Variants in MUC17 observed in about 807,000 individuals in gnomAD.
MUC17 encodes mucin 17, cell surface associated.
MUC17 carries 190 observed loss-of-function variants against 170.3 expected under a neutral mutation model. That is an observed-to-expected ratio of 1.12 (90% CI 0.99 to 1.26). The LOEUF (loss-of-function observed/expected upper bound fraction) is 1.26. Ranked by LOEUF, MUC17 falls within the 50% of genes most tolerant of loss-of-function variation. The probability of loss-of-function intolerance (pLI) is 0.00; values close to 1 mark genes in which losing one functional copy is unlikely to be tolerated. For synonymous variants in MUC17, 2,325 were observed against 2,002.5 expected (o/e 1.16, Z -4.30); for missense variants, 6,415 against 5,530.0 (o/e 1.16, Z -5.08).
Position 101,038,600 on chromosome 7 carries a change from G to A in MUC17, c.7184G>A (p.Gly2395Glu), listed in dbSNP as rs557659099. ...TSMPTSTYSE[G>E]STPLTSVPVS... Reference sequence around the variant, plus strand: ...ATGCCAACCTCAACTTATAGTGAAGGAAGCACTCCACTAACAAGTGTGCCT... The same window carrying A: ...ATGCCAACCTCAACTTATAGTGAAGAAAGCACTCCACTAACAAGTGTGCCT... The change falls in exon 3 of 13, where the codon GGA (glycine) becomes GAA (glutamate). Residue 2395 changes from glycine (G) to glutamate (E), a missense_variant. Transcript: ENST00000306151. 1.3e-5 allele frequency: 21 copies of A among 1,614,068 alleles called. No individual in the cohort carries two copies. The African/African-American group carries it at 1.9e-4, about 14-fold the overall frequency.
rs779796548 is a variant in MUC17 at position 101,031,102 on chromosome 7, C to A, written c.83-18C>A. On this transcript the variant is annotated intron_variant, in intron 1 of 12. Coordinates refer to ENST00000306151, the MANE Select transcript of MUC17 (RefSeq NM_001040105.2). ...AGATCATGGCTCTGGGATACTAACT[C>A]CCCTTTGTCTCTTTCAGACCTCAGT... The A allele has an allele frequency of 6.3e-7, 1 of 1,599,366 alleles. No homozygotes were observed. The highest frequency in any genetic ancestry group is 1.3e-5 in the African/African-American group (1 of 74,440).
chr7:101,051,164 G>A (rs535551966), intron 7 of MUC17, among the ~76,000 whole-genome samples: 62 of 152,018 alleles, frequency 4.1e-4, no homozygotes, highest in Admixed American at 3.3e-3. Context: ...CCAGGAGTTC[G>A]AAACCAGCCT....
chr7:101,048,653 TAAAG>T (rs1477338669), intron 4 of MUC17, among the ~76,000 whole-genome samples, 188 bp from the exon 5 acceptor site: 3 of 145,870 alleles, frequency 2.1e-5, no homozygotes, highest in Non-Finnish European at 4.6e-5. Context: ...GGGAAAGAGA[TAAAG>T]AAAGAAAAGA....
Position 101,043,524 on chromosome 7 carries a change from C to G in MUC17, c.12108C>G (p.Thr4036=). Residue 4036 remains threonine (T), a synonymous_variant, in exon 3 of 13, where the codon ACC becomes ACG. Transcript: ENST00000306151. The stretch of plus-strand genomic sequence containing the variant: ...TTTCTGCAACCAGTACACCTCACAC[C>G]TCTACTTCTGTCACCACCCGTCCTG... ...STLSATSTPH[T]STSVTTRPVT... is the part of the protein sequence containing the mutation. 6.2e-7 allele frequency: 1 copy of G among 1,614,236 alleles called. No homozygotes were observed. The highest frequency in any genetic ancestry group is 8.5e-7 in the Non-Finnish European group (1 of 1,180,038).
Position 101,042,240 on chromosome 7 carries a change from C to T in MUC17, c.10824C>T (p.Thr3608=), listed in dbSNP as rs1429092863. The part of the protein sequence containing the change: ...TPSVDRSTPV[T]TSTQSNSTPT... ...CTGTTGACAGAAGCACACCTGTGAC[C>T]ACTTCTACTCAGAGCAATTCTACTC... The change falls in exon 3 of 13, where the codon ACC becomes ACT. Residue 3608 remains threonine, a synonymous_variant. Coordinates refer to ENST00000306151, the MANE Select transcript of MUC17 (RefSeq NM_001040105.2). The T allele has an allele frequency of 5.0e-6, 8 of 1,614,056 alleles. No individual in the cohort carries two copies. The highest frequency in any genetic ancestry group is 1.1e-5 in the South Asian group (1 of 91,090).
In MUC17 at chr7:101,058,051, G is replaced by A. The variant is rs1454516779; in HGVS notation, c.*7G>A. ...AATGACGACATCATTTTAAGGCATG[G>A]AGCTGAGAAGTCTGGGAGTGAGGAG... is the stretch of plus-strand genomic sequence containing the variant. On this transcript the variant is annotated 3_prime_UTR_variant, in exon 13 of 13. Coordinates refer to ENST00000306151, the MANE Select transcript of MUC17 (RefSeq NM_001040105.2). 1 of 1,613,746 alleles carries A rather than the reference G, an allele frequency of 6.2e-7. No individual in the cohort carries two copies. The highest frequency in any genetic ancestry group is 1.1e-5 in the South Asian group (1 of 91,058).
At chr7:101,051,186 T>G (rs1794934675) in intron 7 of MUC17, among the ~76,000 whole-genome samples, 1 of 151,288 alleles carries the variant, frequency 6.6e-6, no homozygotes, top group Non-Finnish European at 1.5e-5. Flanking sequence ...GTCAACGTGG[T>G]GAAACCCCAT....
intron 1 of MUC17, among the ~76,000 whole-genome samples, chr7:101,024,171 C>A (rs949404595): frequency 6.6e-6 from 1 of 151,770 alleles, no homozygotes; most frequent in Non-Finnish European, 1.5e-5. Context: ...GAGGCTGAGG[C>A]GGTGGATCAC....
rs1292186210 is a variant in MUC17, at chr7:101,037,083, A to T, written c.5667A>T (p.Thr1889=). The change falls in exon 3 of 13, where the codon ACA becomes ACT. Residue 1889 remains threonine, a synonymous_variant. Coordinates refer to ENST00000306151, the MANE Select transcript of MUC17 (RefSeq NM_001040105.2). The part of the protein sequence containing the change: ...VASSETNTLS[T]TPAVTSTPVT... Reference sequence around the variant, plus strand: ...GTTCTGAAACCAACACCCTTTCAACAACTCCCGCTGTCACCAGCACACCTG... The same window carrying T: ...GTTCTGAAACCAACACCCTTTCAACTACTCCCGCTGTCACCAGCACACCTG... The T allele has an allele frequency of 1.9e-6, 3 of 1,582,354 alleles. No homozygotes were observed. Among genetic ancestry groups the T allele is most frequent in the Non-Finnish European group, 2.5e-6 (3 of 1,177,786 alleles).
rs1405446202 is a variant in MUC17, at chr7:101,031,162, T to A, written c.125T>A (p.Ile42Asn). ...NRAVWDGGGCISQGDVLNRQC... is the reference protein window; with the variant it reads ...NRAVWDGGGCNSQGDVLNRQC... Reference sequence around the variant, plus strand: ...GCTGTGTGGGATGGAGGAGGGTGCATCTCCCAAGGGGACGTCTTGAACCGT... The same window carrying A: ...GCTGTGTGGGATGGAGGAGGGTGCAACTCCCAAGGGGACGTCTTGAACCGT... Residue 42 changes from isoleucine (I) to asparagine (N), a missense_variant, in exon 2 of 13, where the codon ATC becomes AAC. Ile to Asn is a moderately radical substitution (Grantham distance 149, BLOSUM62 -3). Coordinates refer to ENST00000306151, the MANE Select transcript of MUC17 (RefSeq NM_001040105.2). The A allele has an allele frequency of 1.2e-6, 2 of 1,613,656 alleles. No homozygotes were observed. The highest frequency in any genetic ancestry group is 3.3e-5 in the Admixed American group (2 of 59,972).
chr7:101,056,108 T>A, intron 11 of MUC17, 86 bp from the exon 12 acceptor site: 1 of 1,585,066 alleles, frequency 6.3e-7, no homozygotes, highest in Non-Finnish European at 8.6e-7. Flanking sequence ...AACTGTCTCA[T>A]CCTCCATCAG....
chr7:101,043,119 C>T lies in MUC17; in HGVS notation c.11703C>T (p.Asp3901=), dbSNP rs1289547384. The T allele has an allele frequency of 6.2e-7, 1 of 1,614,202 alleles. No individual in the cohort carries two copies. The highest frequency in any genetic ancestry group is 8.5e-7 in the Non-Finnish European group (1 of 1,180,036). Residue 3901 remains aspartate (D), a synonymous_variant, in exon 3 of 13, where the codon GAC becomes GAT. Coordinates refer to ENST00000306151, the MANE Select transcript of MUC17 (RefSeq NM_001040105.2). ...GASIASTPPL[D]TSTTFTPSTD... ...GCATAGCTTCGACACCTCCTCTTGA[C>T]ACAAGCACAACTTTTACCCCTTCTA...
At position 101,031,625 on chromosome 7, in the gene MUC17, G is replaced by A. The variant is rs1447550140; in HGVS notation, c.209G>A (p.Gly70Asp). The A allele has an allele frequency of 6.5e-7, 1 of 1,546,106 alleles. No homozygotes were observed. The highest frequency in any genetic ancestry group is 8.7e-7 in the Non-Finnish European group (1 of 1,147,984). Residue 70 changes from glycine to aspartate, a missense_variant, in exon 3 of 13, where the codon GGT becomes GAT. Gly to Asp is a moderately conservative substitution (Grantham distance 94, BLOSUM62 -1). Transcript: ENST00000306151. ...GGTTCTGCGGCAAACACCGCCACAG[G>A]TACAACATCTACAAATGTCGTGGAG... ...RTGSAANTAT[G>D]TTSTNVVEPR...
In MUC17 at chr7:101,038,306, G is replaced by A. The variant is rs770874302; in HGVS notation, c.6890G>A (p.Ser2297Asn). The change falls in exon 3 of 13, where the codon AGC becomes AAC. Residue 2297 changes from serine to asparagine, a missense_variant. By Grantham distance (46) the Ser-to-Asn change is conservative. Transcript: ENST00000306151. The stretch of plus-strand genomic sequence containing the variant: ...ACGCTGGTGGCCAATTCTGAGGTTA[G>A]CACCCTTTCAACAACTCCTGTTGAC... ...SHTLVANSEV[S>N]TLSTTPVDSN... is the part of the protein sequence containing the mutation. The A allele has an allele frequency of 1.8e-5, 29 of 1,613,398 alleles. 1 individual carries two copies. The South Asian group carries it at 2.6e-4, about 15-fold the overall frequency.
At position 101,032,498 on chromosome 7, in the gene MUC17, C is replaced by G. The variant is rs762400300; in HGVS notation, c.1082C>G (p.Thr361Ser). 2.5e-6 allele frequency: 4 copies of G among 1,614,142 alleles called. No individual in the cohort carries two copies. The East Asian group carries it at 8.9e-5, about 36-fold the overall frequency. The change falls in exon 3 of 13, where the codon ACC becomes AGC. Residue 361 changes from threonine (T) to serine (S), a missense_variant. By Grantham distance (58) the Thr-to-Ser change is moderately conservative. Coordinates refer to ENST00000306151, the MANE Select transcript of MUC17 (RefSeq NM_001040105.2). Reference protein sequence around the residue: ...MSTLSITPVDTSTLVTTSTEP... With the variant: ...MSTLSITPVDSSTLVTTSTEP... ...ACACTTTCAATAACTCCTGTTGACA[C>G]CAGCACACTTGTGACCACTTCTACT...
chr7:101,027,007 T>C (rs12333826), intron 1 of MUC17, among the ~76,000 whole-genome samples: 3,262 of 152,172 alleles, frequency 0.021, 120 homozygotes, highest in African/African-American at 0.073. Flanking sequence ...TGAGCCATCA[T>C]GCCTGGCCTA....
rs1374340869 is a variant in MUC17, at chr7:101,033,644, G to C, written c.2228G>C (p.Ser743Thr). ...GCCAGTATGCCAACCTCAACTCCTA[G>C]TGAAGGAAGCACTCCATTAACAAGT... ...DGASMPTSTPSEGSTPLTSMP... is the reference protein window; with the variant it reads ...DGASMPTSTPTEGSTPLTSMP... Residue 743 changes from serine to threonine, a missense_variant, in exon 3 of 13, where the codon AGT becomes ACT. Physicochemically the swap from Ser to Thr is moderately conservative, Grantham distance 58. Coordinates refer to ENST00000306151, the MANE Select transcript of MUC17 (RefSeq NM_001040105.2). 1.4e-5 allele frequency: 23 copies of C among 1,611,658 alleles called. No individual in the cohort carries two copies. The highest frequency in any genetic ancestry group is 1.9e-5 in the Non-Finnish European group (22 of 1,179,394).
chr7:101,041,644 C>A lies in MUC17; in HGVS notation c.10228C>A (p.Pro3410Thr). 3.1e-6 allele frequency: 5 copies of A among 1,613,706 alleles called. No individual in the cohort carries two copies. The highest frequency in any genetic ancestry group is 4.2e-6 in the Non-Finnish European group (5 of 1,179,788). ...AGCAAGTATGCCTGTCAGCACCACG[C>A]CGGTGGTCAGTTCTGAGGTTAACAC... is the stretch of plus-strand genomic sequence containing the variant. ...PLASMPVSTT[P>T]VVSSEVNTLS... Residue 3410 changes from proline to threonine, a missense_variant, in exon 3 of 13, where the codon CCG becomes ACG. Transcript: ENST00000306151.
chr7:101,031,086 C>T (rs1794270138), intron 1 of MUC17, 34 bp from the exon 2 acceptor site: 1 of 1,588,312 alleles, frequency 6.3e-7, no homozygotes, highest in Non-Finnish European at 8.6e-7. Flanking sequence ...AAGATCATGG[C>T]TCTGGGATAC....
Sources: gnomAD v4.1 joint callset for allele counts (sites outside exome capture counted in the v4.1 genomes callset) on GRCh38, gnomAD v4.1.1 for gene constraint, MANE v1.5 for transcripts, NCBI Gene and HGNC (gene_info 2026-07-23, HGNC 2026-07-21) for gene names.